The following KLHDC1 variants were observed in gnomAD, a reference collection of about 807,000 sequenced individuals.
KLHDC1 encodes the protein kelch domain containing 1, also known as kelch domain-containing protein 1.
In KLHDC1, 53 loss-of-function variants were observed where a neutral mutation model predicts 68.3. The ratio of observed to expected loss-of-function variants is 0.78; its 90% CI spans 0.62 to 0.98. The LOEUF is 0.98. Among genes scored for constraint, KLHDC1 ranks in the 50% least tolerant of loss-of-function variants. KLHDC1 has a pLI of 0.00. For synonymous variants in KLHDC1, 148 were observed against 159.0 expected (o/e 0.93, Z 0.52); for missense variants, 470 against 492.3 (o/e 0.95, Z 0.43).
At chr14:49,734,314 G>A (rs1198444405) in intron 9 of KLHDC1, among the ~76,000 whole-genome samples, 1 of 152,086 alleles carries the variant, frequency 6.6e-6, no homozygotes, top group African/African-American at 2.4e-5. Flanking sequence ...AGAAAATGAT[G>A]TGAGATCTAG....
In KLHDC1 at chr14:49,709,512, A is replaced by AT. The variant is rs373823604; in HGVS notation, c.168-184dup. On this transcript the variant is annotated intron_variant, in intron 2 of 12. Transcript: ENST00000359332. ...TCTAGTGACGTGTGAAATTTTTGTGATTTTTTTTTTTTTCCTAGCAGATTG... is the reference window on the plus strand; with the variant it reads ...TCTAGTGACGTGTGAAATTTTTGTGATTTTTTTTTTTTTTCCTAGCAGATTG... Among the ~76,000 whole-genome samples, 614 of 142,826 alleles carry AT rather than the reference A, an allele frequency of 4.3e-3. 2 individuals carry two copies. The highest frequency in any genetic ancestry group is 9.6e-3 in the African/African-American group (376 of 39,176). 93.7% of individuals were successfully genotyped at this position (142,826 alleles called of 152,430 possible).
chr14:49,722,203 G>A (rs1173783946), intron 4 of KLHDC1, among the ~76,000 whole-genome samples: 1 of 152,148 alleles, frequency 6.6e-6, no homozygotes, highest in African/African-American at 2.4e-5. Context: ...ATGTATACAT[G>A]TGCCATGTTG....
intron 4 of KLHDC1, among the ~76,000 whole-genome samples, chr14:49,722,175 C>G (rs141470462): frequency 6.6e-6 from 1 of 152,108 alleles, no homozygotes; most frequent in Non-Finnish European, 1.5e-5. Flanking sequence ...GTGTGCACAA[C>G]GTGCAGGTTT....
At chr14:49,714,894 AAT>A (rs1182486259) in intron 4 of KLHDC1, among the ~76,000 whole-genome samples, 1 of 147,438 alleles carries the variant, frequency 6.8e-6, no homozygotes, top group Non-Finnish European at 1.5e-5. Flanking sequence ...ATGTATACTT[AAT>A]ATATATTTAT....
chr14:49,696,620 C>A (rs1887750046), intron 1 of KLHDC1, among the ~76,000 whole-genome samples: 1 of 152,176 alleles, frequency 6.6e-6, no homozygotes, highest in Admixed American at 6.5e-5. Context: ...TAGGCTCAGG[C>A]CTAAGGGAAT....
chr14:49,751,764 A>G lies in KLHDC1; in HGVS notation c.1213A>G (p.Ser405Gly). The G allele has an allele frequency of 6.5e-7, 1 of 1,550,272 alleles. No individual in the cohort carries two copies. The highest frequency in any genetic ancestry group is 1.4e-5 in the African/African-American group (1 of 72,958). ...ETENKYQWIS[S>G]N ...AGAAAATAAATATCAGTGGATCAGT[A>G]GCAATTAAATTGTTATATACTTTAC... is the stretch of plus-strand genomic sequence containing the variant. Residue 405 changes from serine to glycine, a missense_variant, in exon 13 of 13, where the codon AGC becomes GGC. Transcript: ENST00000359332.
In KLHDC1 at chr14:49,745,535, G is replaced by C. The variant is rs567870879; in HGVS notation, c.1034+1730G>C. ...CCAGACTTTTTCTACAATAGAAAAA[G>C]GAAATTGCCTTAAGAGAAACATATA... is the stretch of plus-strand genomic sequence containing the variant. On this transcript the variant is annotated intron_variant, in intron 12 of 12. Coordinates refer to ENST00000359332, the MANE Select transcript of KLHDC1 (RefSeq NM_172193.3). 2.6e-5 allele frequency among the ~76,000 whole-genome samples: 4 copies of C among 152,270 alleles called. No homozygotes were observed. In the East Asian group the frequency reaches 7.7e-4, roughly 29 times the overall value.
At chr14:49,738,507 C>T (rs1207238052) in intron 10 of KLHDC1, among the ~76,000 whole-genome samples, 1 of 151,844 alleles carries the variant, frequency 6.6e-6, no homozygotes, top group African/African-American at 2.4e-5. Context: ...CCAACAAGCT[C>T]GGCTAATTTT....
At chr14:49,724,093 T>C in intron 5 of KLHDC1, 141 bp downstream of exon 5, 1 of 580,130 alleles carries the variant, frequency 1.7e-6, no homozygotes, top group East Asian at 3.0e-5. Flanking sequence ...GTTTTCTCTC[T>C]TTAACATTTG....
At chr14:49,696,182 C>A (rs961895556) in intron 1 of KLHDC1, among the ~76,000 whole-genome samples, 2 of 151,080 alleles carry the variant, frequency 1.3e-5, no homozygotes, top group Non-Finnish European at 2.9e-5. Flanking sequence ...CTTCACCTTG[C>A]ACTTTTTTTT....
intron 2 of KLHDC1, 50 bp downstream of exon 2, chr14:49,709,279 T>C (rs1453252268): frequency 7.5e-6 from 6 of 800,040 alleles, no homozygotes; most frequent in Non-Finnish European, 1.2e-5. Context: ...CTATTATAAA[T>C]GTTTCTGTAG....
At chr14:49,716,164 T>C (rs192194411) in intron 4 of KLHDC1, among the ~76,000 whole-genome samples, 85 of 152,332 alleles carry the variant, frequency 5.6e-4, no homozygotes, top group Middle Eastern at 3.4e-3. Context: ...TAGGCTCGTA[T>C]AAAGGGAGTA....
At position 49,693,271 on chromosome 14, in the gene KLHDC1, A is replaced by T; in HGVS notation, c.77A>T (p.Tyr26Phe). 2 of 1,558,950 alleles carry T rather than the reference A, an allele frequency of 1.3e-6. No individual in the cohort carries two copies. The highest frequency in any genetic ancestry group is 1.7e-6 in the Non-Finnish European group (2 of 1,154,068). Residue 26 changes from tyrosine to phenylalanine, a missense_variant, in exon 1 of 13, where the codon TAC becomes TTC. Physicochemically the swap from Tyr to Phe is conservative, Grantham distance 22. Coordinates refer to ENST00000359332, the MANE Select transcript of KLHDC1 (RefSeq NM_172193.3). ...GCCGTGGTGGACGGAAACTTCCTCT[A>T]CGTGTGGGGGGGCTACGTGGTAAGG... Reference protein sequence around the residue: ...HCAVVDGNFLYVWGGYVSIED... With the variant: ...HCAVVDGNFLFVWGGYVSIED...
chr14:49,694,580 G>A (rs1199759567), intron 1 of KLHDC1, among the ~76,000 whole-genome samples: 6 of 152,080 alleles, frequency 3.9e-5, no homozygotes. Context: ...CTGGCTGGGC[G>A]CGGTGGCTCA....
intron 4 of KLHDC1, among the ~76,000 whole-genome samples, chr14:49,719,463 C>G (rs1037753390): frequency 6.6e-6 from 1 of 151,536 alleles, no homozygotes; most frequent in Non-Finnish European, 1.5e-5. Context: ...GAGTCTCGCT[C>G]TGTTGTCCAG....
chr14:49,694,251 G>T (rs1887668604), intron 1 of KLHDC1, among the ~76,000 whole-genome samples: 1 of 152,128 alleles, frequency 6.6e-6, no homozygotes, highest in African/African-American at 2.4e-5. Context: ...GAATGGTAAA[G>T]CTGGAAAACA....
At chr14:49,744,640 C>G (rs1442363877) in intron 12 of KLHDC1, among the ~76,000 whole-genome samples, 1 of 151,870 alleles carries the variant, frequency 6.6e-6, no homozygotes, top group African/African-American at 2.4e-5. Flanking sequence ...TAAATAATCT[C>G]TATATTACTC....
At chr14:49,710,466 T>G (rs865867232) in intron 4 of KLHDC1, 85 bp downstream of exon 4, 2 of 713,154 alleles carry the variant, frequency 2.8e-6, no homozygotes, top group Middle Eastern at 2.5e-4. Flanking sequence ...CTTAAAGGTA[T>G]GAGTTTTTTT....
intron 11 of KLHDC1, among the ~76,000 whole-genome samples, chr14:49,740,974 G>A (rs1889051241): frequency 6.6e-6 from 1 of 151,954 alleles, no homozygotes; most frequent in African/African-American, 2.4e-5. Context: ...CATGCCTGTA[G>A]TCCCAGCTAC....
Sources: allele counts gnomAD v4.1 joint callset (sites outside exome capture counted in the v4.1 genomes callset), GRCh38; gene constraint gnomAD v4.1.1; transcripts MANE v1.5; gene names NCBI Gene and HGNC (gene_info 2026-07-23, HGNC 2026-07-21).